Variants in ZNF207 observed in about 807,000 individuals in gnomAD.
ZNF207 encodes zinc finger protein 207, also known as BUB3-interacting and GLEBS motif-containing protein ZNF207.
In ZNF207, 24 loss-of-function variants were observed where a neutral mutation model predicts 60.2. The observed-to-expected ratio is 0.40, with a 90% confidence interval of 0.29 to 0.56. ZNF207 has a LOEUF of 0.56. ZNF207 is among the 20% of genes least tolerant of loss of function. ZNF207 has a pLI of 0.49. For synonymous variants in ZNF207, 236 were observed against 194.7 expected (o/e 1.21, Z -1.77); for missense variants, 452 against 636.6 (o/e 0.71, Z 3.12).
In ZNF207 at chr17:32,370,719, C is replaced by T. The variant is rs1321626086; in HGVS notation, c.*960C>T. 1 of 152,180 alleles carries T rather than the reference C, an allele frequency of 6.6e-6. No homozygotes were observed. The highest frequency in any genetic ancestry group is 2.4e-5 in the African/African-American group (1 of 41,436). 9.4% of individuals were successfully genotyped at this position (152,180 alleles called of 1,614,324 possible). Reference sequence around the variant, plus strand: ...GATGTTTAGAGCCTAGTGCCAGACCCATTCATTTCCTTTTGATTATTTTTG... The same window carrying T: ...GATGTTTAGAGCCTAGTGCCAGACCTATTCATTTCCTTTTGATTATTTTTG... On this transcript the variant is annotated 3_prime_UTR_variant, in exon 12 of 12. Coordinates refer to ENST00000394670, the MANE Select transcript of ZNF207 (RefSeq NM_001098507.2).
At chr17:32,360,540 G>A (rs1904810703) in intron 3 of ZNF207, 58 bp from the exon 4 acceptor site, 7 of 1,476,272 alleles carry the variant, frequency 4.7e-6, no homozygotes, top group East Asian at 2.4e-5. Context: ...AATATTGAAT[G>A]TTGTAAATAA....
intron 1 of ZNF207, chr17:32,351,500 A>G (rs921939728): frequency 2.7e-6 from 4 of 1,490,654 alleles, no homozygotes; most frequent in Non-Finnish European, 3.5e-6. Flanking sequence ...TTATAACAAA[A>G]GTTTCACCGA....
rs185697340 is a variant in ZNF207, at chr17:32,373,800, T to C, written c.*4041T>C. The C allele has an allele frequency of 5.6e-6, 1 of 178,838 alleles. No homozygotes were observed. Among genetic ancestry groups the C allele is most frequent in the East Asian group, 1.4e-4 (1 of 7,066 alleles). 11.1% of individuals were successfully genotyped at this position (178,838 alleles called of 1,614,324 possible). ...TTTCATTCAAGTTTTTTACTTTCAC[T>C]TCTAGGAAAATCTTACTGGTTTTAT... On this transcript the variant is annotated 3_prime_UTR_variant, in exon 12 of 12. Transcript: ENST00000394670.
At chr17:32,368,955 A>G (rs977303422) in intron 10 of ZNF207, 5 of 177,914 alleles carry the variant, frequency 2.8e-5, no homozygotes, top group Admixed American at 5.8e-5. Context: ...TGGTGAGCTG[A>G]GACCAGGCCA....
chr17:32,353,811 C>CAAAAAAA (rs536502166), intron 2 of ZNF207, among the ~76,000 whole-genome samples: 1 of 110,526 alleles, frequency 9.0e-6, no homozygotes, highest in East Asian at 4.4e-4. Flanking sequence ...ACTCTGTCTC[C>CAAAAAAA]AAAAAAAAAA....
intron 3 of ZNF207, among the ~76,000 whole-genome samples, chr17:32,359,172 G>A (rs554864814): frequency 1.3e-5 from 2 of 152,092 alleles, no homozygotes; most frequent in Admixed American, 6.5e-5. Context: ...GAGTGCAGAG[G>A]TGCGATCTCG....
chr17:32,367,365 CAT>C (rs1043151343), intron 9 of ZNF207, among the ~76,000 whole-genome samples: 16 of 145,502 alleles, frequency 1.1e-4, no homozygotes, highest in South Asian at 2.2e-4. Flanking sequence ...AGTTTAAACT[CAT>C]ATTCTGTAGT....
In ZNF207 at chr17:32,367,676, T is replaced by G. The variant is rs1025124706; in HGVS notation, c.922-96T>G. ...TTAATTTCATTTAAAGTTTGGTCCT[T>G]TATTTAATGTTGATGCCTTGTTTTA... On this transcript the variant is annotated intron_variant, in intron 9 of 11. Coordinates refer to ENST00000394670, the MANE Select transcript of ZNF207 (RefSeq NM_001098507.2). 15 of 1,478,422 alleles carry G rather than the reference T, an allele frequency of 1.0e-5. No homozygotes were observed. The African/African-American group carries it at 1.6e-4, about 15-fold the overall frequency. The allele number at this position is 1,478,422 out of a possible 1,614,324, so 91.6% of individuals were successfully genotyped here.
At chr17:32,353,672 G>A in intron 2 of ZNF207, among the ~76,000 whole-genome samples, 1 of 149,248 alleles carries the variant, frequency 6.7e-6, no homozygotes, top group African/African-American at 2.5e-5. Context: ...CCTGGCTACG[G>A]GGGCGGGGGG....
chr17:32,364,275 C>T (rs936888674), intron 7 of ZNF207, among the ~76,000 whole-genome samples: 7 of 152,004 alleles, frequency 4.6e-5, no homozygotes, highest in African/African-American at 1.7e-4. Context: ...TAGAATTTGG[C>T]CTATAAAGCA....
In ZNF207 at chr17:32,373,883, A is replaced by G. The variant is rs1406705887; in HGVS notation, c.*4124A>G. On this transcript the variant is annotated 3_prime_UTR_variant, in exon 12 of 12. Coordinates refer to ENST00000394670, the MANE Select transcript of ZNF207 (RefSeq NM_001098507.2). ...GATAAGTTTAATCATTGGAAATGCC[A>G]CTGGATACTGAAATGTGCCTTCTCT... 1 of 152,706 alleles carries G rather than the reference A, an allele frequency of 6.5e-6. No homozygotes were observed. The highest frequency in any genetic ancestry group is 6.5e-5 in the Admixed American group (1 of 15,290). The allele number at this position is 152,706 out of a possible 1,614,324, so 9.5% of individuals were successfully genotyped here.
At position 32,374,478 on chromosome 17, in the gene ZNF207, A is replaced by C. The variant is rs1395528306; in HGVS notation, c.*4719A>C. The C allele has an allele frequency of 6.9e-6, 1 of 145,316 alleles. No individual in the cohort carries two copies. Among genetic ancestry groups the C allele is most frequent in the Non-Finnish European group, 1.5e-5 (1 of 66,272 alleles). The allele number at this position is 145,316 out of a possible 1,614,324, so 9.0% of individuals were successfully genotyped here. On this transcript the variant is annotated 3_prime_UTR_variant, in exon 12 of 12. Transcript: ENST00000394670. ...GCGATCCCCCTGCCTCGGCCTCCCA[A>C]AGTGCTGGGATTACAGGCGTGGGCC...
At chr17:32,366,232 C>G (rs896619542) in intron 8 of ZNF207, among the ~76,000 whole-genome samples, 12 of 152,000 alleles carry the variant, frequency 7.9e-5, no homozygotes, top group Non-Finnish European at 1.5e-4. Flanking sequence ...AAAGCATTTT[C>G]TTTAAGTGCC....
At chr17:32,365,521 T>C (rs1314886713) in intron 8 of ZNF207, 34 bp downstream of exon 8, 13 of 1,605,598 alleles carry the variant, frequency 8.1e-6, no homozygotes, top group African/African-American at 1.3e-5. Context: ...AGTGCACTTA[T>C]ATTTAAAGAT....
At chr17:32,365,264 A>T in intron 7 of ZNF207, 66 bp from the exon 8 acceptor site, 1 of 1,533,092 alleles carries the variant, frequency 6.5e-7, no homozygotes, top group African/African-American at 1.4e-5. Flanking sequence ...TTTGTAGTAT[A>T]GAAGCGTTTT....
Position 32,350,218 on chromosome 17 carries a change from A to G in ZNF207, c.-68A>G. ...TGGTAGCCGTTGGGTTGGGAAAGTGAGGGATTTTTGGCCTCGTTTCTCCTG... is the reference window on the plus strand; with the variant it reads ...TGGTAGCCGTTGGGTTGGGAAAGTGGGGGATTTTTGGCCTCGTTTCTCCTG... On this transcript the variant is annotated 5_prime_UTR_variant, in exon 1 of 12. Coordinates refer to ENST00000394670, the MANE Select transcript of ZNF207 (RefSeq NM_001098507.2). 6.2e-7 allele frequency: 1 copy of G among 1,608,764 alleles called. No homozygotes were observed. The highest frequency in any genetic ancestry group is 8.5e-7 in the Non-Finnish European group (1 of 1,175,480).
rs1169148905 is a variant in ZNF207 at position 32,378,798 on chromosome 17, A to G, written c.*9039A>G. 1 of 152,080 alleles carries G rather than the reference A, an allele frequency of 6.6e-6. No individual in the cohort carries two copies. The highest frequency in any genetic ancestry group is 6.6e-5 in the Admixed American group (1 of 15,266). 9.4% of individuals were successfully genotyped at this position (152,080 alleles called of 1,614,324 possible). ...TGCTTTTAGGTTGATAACAAATGTA[A>G]AGCACTGAGGAGGGAGGAATAAAGC... On this transcript the variant is annotated 3_prime_UTR_variant, in exon 12 of 12. Transcript: ENST00000394670.
rs981853500 is a variant in ZNF207 at position 32,381,443 on chromosome 17, A to T, written c.*11684A>T. Reference sequence around the variant, plus strand: ...TTAAAGTTCTCACGAATATTAGTGCATCTTGTCACTTTGATTTGTCACCTG... The same window carrying T: ...TTAAAGTTCTCACGAATATTAGTGCTTCTTGTCACTTTGATTTGTCACCTG... On this transcript the variant is annotated 3_prime_UTR_variant, in exon 12 of 12. Coordinates refer to ENST00000394670, the MANE Select transcript of ZNF207 (RefSeq NM_001098507.2). The T allele has an allele frequency of 2.6e-5, 4 of 152,250 alleles. No homozygotes were observed. The highest frequency in any genetic ancestry group is 9.6e-5 in the African/African-American group (4 of 41,470). 9.4% of individuals were successfully genotyped at this position (152,250 alleles called of 1,614,324 possible). A position where few individuals can be genotyped will look rare whatever the true frequency, so the allele number is the denominator to read the frequency against.
In ZNF207 at chr17:32,373,229, A is replaced by C. The variant is rs780171600; in HGVS notation, c.*3470A>C. 2 of 454,028 alleles carry C rather than the reference A, an allele frequency of 4.4e-6. No homozygotes were observed. Among genetic ancestry groups the C allele is most frequent in the Non-Finnish European group, 7.9e-6 (2 of 254,320 alleles). 28.1% of individuals were successfully genotyped at this position (454,028 alleles called of 1,614,324 possible). A position where few individuals can be genotyped will look rare whatever the true frequency, so the allele number is the denominator to read the frequency against. ...TAATTGGGGAGGGGGATTCCCCAAC[A>C]AAAAGAAGTACGGGCTCAGAGTGGA... On this transcript the variant is annotated 3_prime_UTR_variant, in exon 12 of 12. Coordinates refer to ENST00000394670, the MANE Select transcript of ZNF207 (RefSeq NM_001098507.2).
Sources: gnomAD v4.1 joint callset for allele counts (sites outside exome capture counted in the v4.1 genomes callset) on GRCh38, gnomAD v4.1.1 for gene constraint, MANE v1.5 for transcripts, NCBI Gene and HGNC (gene_info 2026-07-23, HGNC 2026-07-21) for gene names.